The following RUVBL1 variants were observed in gnomAD, a reference collection of about 807,000 sequenced individuals.
RUVBL1 encodes ruvB-like 1.
In RUVBL1, 4 loss-of-function variants were observed where a neutral mutation model predicts 52.4. That is an observed-to-expected ratio of 0.08 (90% CI 0.04 to 0.17). The LOEUF (loss-of-function observed/expected upper bound fraction) is 0.17, where lower values mean the gene tolerates loss of function less well. Ranked by LOEUF, RUVBL1 falls within the 10% of genes least tolerant of loss-of-function variation. The pLI is 1.00. For missense variants in RUVBL1, 298 were observed against 572.8 expected, an observed-to-expected ratio of 0.52 and a Z score of 4.90; for synonymous variants, 217 against 214.4, an observed-to-expected ratio of 1.01 and a Z score of -0.10.
At chr3:128,108,797 T>TA (rs893334219) in intron 3 of RUVBL1, among the ~76,000 whole-genome samples, 17 of 149,920 alleles carry the variant, frequency 1.1e-4, no homozygotes, top group East Asian at 3.9e-4. Context: ...GGCACATGTT[T>TA]AAAAAAAAAA....
At chr3:128,117,678 T>C (rs1943558732) in intron 2 of RUVBL1, among the ~76,000 whole-genome samples, 1 of 151,756 alleles carries the variant, frequency 6.6e-6, no homozygotes, top group Admixed American at 6.6e-5. Flanking sequence ...AATGGCATGA[T>C]CTTGGCTCAC....
chr3:128,105,797 C>T (rs1357943050), intron 3 of RUVBL1, among the ~76,000 whole-genome samples: 1 of 152,024 alleles, frequency 6.6e-6, no homozygotes, highest in Non-Finnish European at 1.5e-5. Flanking sequence ...AGAAGAAATA[C>T]CCAGTTGTCA....
chr3:128,123,980 T>G (rs1943724215), upstream of RUVBL1: 1 of 921,774 alleles, frequency 1.1e-6, no homozygotes. Context: ...CGGCGCTTCC[T>G]GCCGAGGCTG....
At chr3:128,130,836 G>T (rs1304870105) in intron 1 of RUVBL1, among the ~76,000 whole-genome samples, 1 of 151,794 alleles carries the variant, frequency 6.6e-6, no homozygotes, top group Non-Finnish European at 1.5e-5. Context: ...ATTTTTAGTA[G>T]AGACCGGGTT....
chr3:128,138,980 T>TG (rs1943982952), intron 1 of RUVBL1, among the ~76,000 whole-genome samples: 1 of 152,134 alleles, frequency 6.6e-6, no homozygotes, highest in Non-Finnish European at 1.5e-5. Flanking sequence ...CAATAAATGG[T>TG]GGATAGCCAT....
At chr3:128,091,680 A>G (rs1942844722) in intron 8 of RUVBL1, among the ~76,000 whole-genome samples, 1 of 152,228 alleles carries the variant, frequency 6.6e-6, no homozygotes, top group Non-Finnish European at 1.5e-5. Flanking sequence ...CTTTCCTCTT[A>G]CAATAACTGT....
intron 9 of RUVBL1, among the ~76,000 whole-genome samples, chr3:128,085,725 C>T (rs1942624859): frequency 6.6e-6 from 1 of 151,954 alleles, no homozygotes; most frequent in South Asian, 2.1e-4. Context: ...GGCTGGGCCT[C>T]CAGCCACAGG....
At chr3:128,111,004 A>G (rs964891438) in intron 3 of RUVBL1, among the ~76,000 whole-genome samples, 1 of 151,870 alleles carries the variant, frequency 6.6e-6, no homozygotes, top group African/African-American at 2.4e-5. Flanking sequence ...AGGCAGGTGA[A>G]TCATGAGGTC....
chr3:128,093,205 G>A (rs188846791), intron 8 of RUVBL1, among the ~76,000 whole-genome samples: 20 of 152,154 alleles, frequency 1.3e-4, no homozygotes, highest in African/African-American at 4.6e-4. Context: ...GCATGCTACA[G>A]CATCATGCTA....
At chr3:128,106,498 A>G (rs1230621943) in intron 3 of RUVBL1, among the ~76,000 whole-genome samples, 1 of 150,982 alleles carries the variant, frequency 6.6e-6, no homozygotes, top group Non-Finnish European at 1.5e-5. Context: ...CATCCTCCAA[A>G]TTGTCCCCAT....
chr3:128,132,746 A>G (rs1943898263), intron 1 of RUVBL1, among the ~76,000 whole-genome samples: 1 of 152,212 alleles, frequency 6.6e-6, no homozygotes, highest in African/African-American at 2.4e-5. Flanking sequence ...AGTGGTAGCC[A>G]GACAGTATTT....
At chr3:128,084,989 A>C (rs1942597210) in intron 9 of RUVBL1, 1 of 152,360 alleles carries the variant, frequency 6.6e-6, no homozygotes, top group African/African-American at 2.4e-5. Context: ...GAATGGCGGC[A>C]GCAAGGGTGA....
chr3:128,153,223 C>T, exon 1 of RUVBL1: 8 of 1,325,706 alleles, frequency 6.0e-6, no homozygotes, highest in Non-Finnish European at 7.7e-6. Flanking sequence ...CAAATGGCTT[C>T]ACTTCTCAGA....
chr3:128,117,686 C>T (rs1943558851), intron 2 of RUVBL1, among the ~76,000 whole-genome samples: 3 of 151,346 alleles, frequency 2.0e-5, no homozygotes, highest in Admixed American at 2.0e-4. Flanking sequence ...GATCTTGGCT[C>T]ACTGATACCT....
At chr3:128,065,357 C>G in intron 9 of RUVBL1, 1 of 579,934 alleles carries the variant, frequency 1.7e-6, no homozygotes, top group Non-Finnish European at 3.0e-6. Flanking sequence ...AGCTCTGAAA[C>G]CTCATTGCTC....
rs899551511 is a variant in RUVBL1, at chr3:128,123,479, G to A, written c.141+105C>T. Reference sequence around the variant, plus strand: ...CACTTCCCTGAGGAAATAATGGCGGGAGACCCCTGGCGCGCGCATCCCGCC... The same window carrying A: ...CACTTCCCTGAGGAAATAATGGCGGAAGACCCCTGGCGCGCGCATCCCGCC... On this transcript the variant is annotated intron_variant, in intron 1 of 10. Transcript: ENST00000322623. 5.5e-6 allele frequency: 7 copies of A among 1,267,678 alleles called. No individual in the cohort carries two copies. The African/African-American group carries it at 9.2e-5, about 17-fold the overall frequency. 78.5% of individuals were successfully genotyped at this position (1,267,678 alleles called of 1,614,324 possible). A position where few individuals can be genotyped will look rare whatever the true frequency, so the allele number is the denominator to read the frequency against.
chr3:128,078,239 G>C (rs1942383746), downstream of RUVBL1, among the ~76,000 whole-genome samples: 1 of 152,206 alleles, frequency 6.6e-6, no homozygotes, highest in Non-Finnish European at 1.5e-5. Flanking sequence ...GCTAAGGTTT[G>C]CTAACCAAGA....
chr3:128,116,371 T>A (rs1943522313), intron 2 of RUVBL1, among the ~76,000 whole-genome samples: 1 of 151,134 alleles, frequency 6.6e-6, no homozygotes, highest in East Asian at 1.9e-4. Context: ...TGAAACCCCA[T>A]CTCCACTAAA....
At chr3:128,121,055 G>A (rs1227552019) in intron 1 of RUVBL1, among the ~76,000 whole-genome samples, 1 of 151,898 alleles carries the variant, frequency 6.6e-6, no homozygotes, top group Non-Finnish European at 1.5e-5. Flanking sequence ...AGTTACCAAA[G>A]CACACTGCCC....
Sources: allele counts gnomAD v4.1 joint callset (sites outside exome capture counted in the v4.1 genomes callset), GRCh38; gene constraint gnomAD v4.1.1; transcripts MANE v1.5; gene names NCBI Gene and HGNC (gene_info 2026-07-23, HGNC 2026-07-21).